RAPGEF4: variants seen among roughly 807,000 people sequenced by gnomAD.
RAPGEF4 encodes Rap guanine nucleotide exchange factor 4.
A neutral mutation model predicts 147.9 loss-of-function variants in RAPGEF4; 66 were observed. The observed-to-expected ratio is 0.45, with a 90% CI of 0.37 to 0.55. The LOEUF (loss-of-function observed/expected upper bound fraction) is 0.55. RAPGEF4 is among the 20% of genes least tolerant of loss of function. The pLI, the probability that RAPGEF4 is intolerant of heterozygous loss-of-function variation, is 0.00. For missense variants in RAPGEF4, 1,071 were observed against 1,257.3 expected, an observed-to-expected ratio of 0.85 and a Z score of 2.24; for synonymous variants, 419 against 442.7, an observed-to-expected ratio of 0.95 and a Z score of 0.67.
chr2:172,977,757 G>A (rs1691235192), intron 10 of RAPGEF4, among the ~76,000 whole-genome samples: 1 of 152,196 alleles, frequency 6.6e-6, no homozygotes, highest in South Asian at 2.1e-4. Flanking sequence ...TCTCTCATGA[G>A]TGCTTTTGTT....
chr2:172,807,113 TC>T (rs1687575109), intron 3 of RAPGEF4, among the ~76,000 whole-genome samples: 1 of 152,240 alleles, frequency 6.6e-6, no homozygotes, highest in South Asian at 2.1e-4. Flanking sequence ...TTGTTTGTAA[TC>T]TCCTCCTACT....
chr2:172,761,282 C>T (rs1559027709), intron 1 of RAPGEF4, among the ~76,000 whole-genome samples: 1 of 151,830 alleles, frequency 6.6e-6, no homozygotes, highest in Non-Finnish European at 1.5e-5. Flanking sequence ...CCCACCACCA[C>T]GCCTGGCTAA....
intron 4 of RAPGEF4, among the ~76,000 whole-genome samples, chr2:172,887,314 G>A (rs1697353427): frequency 6.6e-6 from 1 of 152,008 alleles, no homozygotes; most frequent in African/African-American, 2.4e-5. Flanking sequence ...CTATGCTGCT[G>A]TTACCATTTT....
intron 1 of RAPGEF4, among the ~76,000 whole-genome samples, chr2:172,746,644 A>G (rs1025873689): frequency 2.0e-5 from 3 of 150,704 alleles, no homozygotes; most frequent in East Asian, 1.9e-4. Context: ...ACAGAGTCTT[A>G]CTCTGTCGCC....
chr2:173,017,789 C>G (rs1312357509), intron 21 of RAPGEF4, among the ~76,000 whole-genome samples: 2 of 152,092 alleles, frequency 1.3e-5, no homozygotes, highest in Non-Finnish European at 2.9e-5. Flanking sequence ...TCAGGATTGC[C>G]CACCCCTGGG....
intron 1 of RAPGEF4, among the ~76,000 whole-genome samples, chr2:172,738,127 G>A (rs189067588): frequency 6.6e-6 from 1 of 152,170 alleles, no homozygotes; most frequent in Non-Finnish European, 1.5e-5. Context: ...AAAGGAGAAA[G>A]GTTGAGAGTG....
chr2:172,736,574 AAGGTCTGTG>A (rs1243346376), intron 1 of RAPGEF4, among the ~76,000 whole-genome samples: 2 of 152,152 alleles, frequency 1.3e-5, no homozygotes, highest in Non-Finnish European at 2.9e-5. Flanking sequence ...TCGCTCGCTC[AAGGTCTGTG>A]TTAGAGAAGG....
intron 15 of RAPGEF4, among the ~76,000 whole-genome samples, chr2:172,991,424 A>G (rs1471186551): frequency 6.6e-6 from 1 of 152,226 alleles, no homozygotes; most frequent in African/African-American, 2.4e-5. Context: ...ATTTGGCCTC[A>G]TTCATACTTT....
intron 4 of RAPGEF4, among the ~76,000 whole-genome samples, chr2:172,897,672 G>A (rs1450177274): frequency 6.6e-6 from 1 of 151,600 alleles, no homozygotes; most frequent in African/African-American, 2.4e-5. Context: ...AAAGTGCTGG[G>A]ATTACAGGCA....
chr2:172,899,498 C>G (rs551139836), intron 4 of RAPGEF4, among the ~76,000 whole-genome samples: 1 of 152,040 alleles, frequency 6.6e-6, no homozygotes, highest in Non-Finnish European at 1.5e-5. Context: ...CAGGGAAGTC[C>G]GGTGTGGAGA....
At chr2:172,782,608 A>G (rs2149513914) in intron 1 of RAPGEF4, among the ~76,000 whole-genome samples, 1 of 152,334 alleles carries the variant, frequency 6.6e-6, no homozygotes, top group South Asian at 2.1e-4. Flanking sequence ...GTACTACGAA[A>G]TGATTTTTGA....
intron 12 of RAPGEF4, among the ~76,000 whole-genome samples, chr2:172,986,298 T>A (rs554153642): frequency 2.0e-5 from 3 of 152,348 alleles, no homozygotes; most frequent in Admixed American, 2.0e-4. Context: ...TAATGACACA[T>A]AGAACACTTT....
intron 3 of RAPGEF4, among the ~76,000 whole-genome samples, chr2:172,806,935 C>A (rs115374136): frequency 6.6e-6 from 1 of 152,188 alleles, no homozygotes; most frequent in Admixed American, 6.5e-5. Context: ...CGTTGTAATG[C>A]GGATCTCTCT....
Position 173,027,083 on chromosome 2 carries a change from G to A in RAPGEF4, c.2382G>A (p.Leu794=). 4 of 1,578,776 alleles carry A rather than the reference G, an allele frequency of 2.5e-6. No individual in the cohort carries two copies. Among genetic ancestry groups the A allele is most frequent in the Non-Finnish European group, 3.4e-6 (4 of 1,168,412 alleles). Residue 794 remains leucine (L), a splice_region_variant and synonymous_variant, in exon 25 of 31, where the codon CTG becomes CTA. Coordinates refer to ENST00000397081, the MANE Select transcript of RAPGEF4 (RefSeq NM_007023.4). The part of the protein sequence containing the change: ...DWELFNCVHE[L]ELIYHTFGRH... ...AATTGTTTTCCTTTATTTTCTAGCT[G>A]GAGCTAATCTATCACACATTTGGAA...
chr2:172,753,299 A>G (rs1325027814), intron 1 of RAPGEF4, among the ~76,000 whole-genome samples: 2 of 152,194 alleles, frequency 1.3e-5, no homozygotes, highest in Non-Finnish European at 2.9e-5. Context: ...GTGAACAATA[A>G]TAAAATAAAA....
intron 4 of RAPGEF4, among the ~76,000 whole-genome samples, chr2:172,884,977 G>A (rs1307672187): frequency 1.3e-5 from 2 of 152,220 alleles, no homozygotes; most frequent in African/African-American, 2.4e-5. Flanking sequence ...CCTATGCCTG[G>A]GTTTGTCAGT....
At chr2:172,770,862 A>G (rs577947575) in intron 1 of RAPGEF4, among the ~76,000 whole-genome samples, 1 of 152,288 alleles carries the variant, frequency 6.6e-6, no homozygotes, top group East Asian at 1.9e-4. Context: ...CTGAGCTTCA[A>G]AAGGTGGCTT....
intron 1 of RAPGEF4, among the ~76,000 whole-genome samples, chr2:172,776,612 T>C (rs976093272): frequency 2.0e-5 from 3 of 152,188 alleles, no homozygotes; most frequent in Non-Finnish European, 4.4e-5. Context: ...CTAATTGTTA[T>C]TACTGTTTTT....
chr2:172,953,073 T>C (rs1367417929), intron 6 of RAPGEF4, among the ~76,000 whole-genome samples: 1 of 152,114 alleles, frequency 6.6e-6, no homozygotes, highest in Admixed American at 6.5e-5. Context: ...TGCAGTCTTC[T>C]GTATTCTTCA....
Sources: allele counts gnomAD v4.1 joint callset (sites outside exome capture counted in the v4.1 genomes callset), GRCh38; gene constraint gnomAD v4.1.1; transcripts MANE v1.5; gene names NCBI Gene and HGNC (gene_info 2026-07-23, HGNC 2026-07-21).